CFAP20DC: variants seen among roughly 807,000 people sequenced by gnomAD.
The protein encoded by CFAP20DC is CFAP20 domain containing.
CFAP20DC carries 84 observed loss-of-function variants against 101.7 expected under a neutral mutation model. That is an observed-to-expected ratio of 0.83 (90% CI 0.69 to 0.99). CFAP20DC has a LOEUF of 0.99. Ranked by LOEUF, CFAP20DC falls within the 50% of genes least tolerant of loss-of-function variation. The pLI is 0.00. For synonymous variants in CFAP20DC, 359 were observed against 351.2 expected, an observed-to-expected ratio of 1.02 and a Z score of -0.25; for missense variants, 1,007 against 970.3, an observed-to-expected ratio of 1.04 and a Z score of -0.50.
At chr3:58,824,449 T>A (rs528425803) in intron 14 of CFAP20DC, 53 of 152,266 alleles carry the variant, frequency 3.5e-4, no homozygotes, top group African/African-American at 1.3e-3. Flanking sequence ...TCATATATAA[T>A]TAACTACCAC....
intron 4 of CFAP20DC, among the ~76,000 whole-genome samples, chr3:58,969,857 T>G (rs900161858): frequency 6.6e-6 from 1 of 152,110 alleles, no homozygotes; most frequent in African/African-American, 2.4e-5. Context: ...GAGAAAGGGC[T>G]AAGGGTAGCA....
At chr3:58,969,914 A>T (rs1227706702) in intron 4 of CFAP20DC, among the ~76,000 whole-genome samples, 1 of 152,192 alleles carries the variant, frequency 6.6e-6, no homozygotes, top group Non-Finnish European at 1.5e-5. Flanking sequence ...TTTCAGGGTG[A>T]TGAAAACATT....
At chr3:58,939,353 A>C (rs2088174961) in intron 4 of CFAP20DC, among the ~76,000 whole-genome samples, 1 of 152,208 alleles carries the variant, frequency 6.6e-6, no homozygotes, top group South Asian at 2.1e-4. Flanking sequence ...AGAAAGGAAA[A>C]GGGAACAAAA....
In CFAP20DC at chr3:58,816,449, C is replaced by T. The variant is rs1343311202; in HGVS notation, c.2176-9993G>A. ...GTGGGTGCGTGCACCGTGCGCGAGC[C>T]GAAGCAGGGCGAGGCATTGCCTCAC... On this transcript the variant is annotated intron_variant, in intron 14 of 16. Transcript: ENST00000482387. Among the ~76,000 whole-genome samples the T allele has an allele frequency of 1.1e-4, 17 of 152,192 alleles. 1 individual carries two copies. The highest frequency in any genetic ancestry group is 6.2e-4 in the South Asian group (3 of 4,806).
intron 7 of CFAP20DC, among the ~76,000 whole-genome samples, chr3:58,870,698 C>A (rs1016243706): frequency 1.2e-4 from 18 of 148,756 alleles, no homozygotes; most frequent in East Asian, 2.0e-4. Context: ...ACCATCCTGG[C>A]TAACAAGGTG....
chr3:58,897,615 T>C lies in CFAP20DC; in HGVS notation c.551-12906A>G, dbSNP rs1372002340. ...TCAGCATTTGCTTGTCTGAAAATTATCTTATTTCTTTTCACTTTTGAAGGT... is the reference window on the plus strand; with the variant it reads ...TCAGCATTTGCTTGTCTGAAAATTACCTTATTTCTTTTCACTTTTGAAGGT... On this transcript the variant is annotated intron_variant, in intron 6 of 16. Transcript: ENST00000482387. The surrounding 1 kb of genome is among the most constrained non-coding windows in gnomAD (Gnocchi z 4.4). Among the ~76,000 whole-genome samples the C allele has an allele frequency of 6.6e-6, 1 of 152,216 alleles. No homozygotes were observed. The highest frequency in any genetic ancestry group is 1.5e-5 in the Non-Finnish European group (1 of 68,048).
intron 1 of CFAP20DC, among the ~76,000 whole-genome samples, chr3:59,048,114 T>C (rs1700011750): frequency 1.3e-5 from 2 of 152,230 alleles, no homozygotes; most frequent in Non-Finnish European, 1.5e-5. Context: ...TGAATGTCCA[T>C]AAGCTTTAAT....
chr3:58,903,678 A>C (rs557512956), intron 6 of CFAP20DC, among the ~76,000 whole-genome samples: 1 of 152,254 alleles, frequency 6.6e-6, no homozygotes, highest in African/African-American at 2.4e-5. Context: ...ATCTCATGAG[A>C]GCTTACTATC....
At position 59,006,001 on chromosome 3, in the gene CFAP20DC, G is replaced by A. The variant is rs1211644209; in HGVS notation, c.278+33556C>T. Among the ~76,000 whole-genome samples the A allele has an allele frequency of 6.6e-6, 1 of 151,998 alleles. No individual in the cohort carries two copies. Among genetic ancestry groups the A allele is most frequent in the Non-Finnish European group, 1.5e-5 (1 of 68,008 alleles). On this transcript the variant is annotated intron_variant, in intron 4 of 16. Coordinates refer to ENST00000482387, the MANE Select transcript of CFAP20DC (RefSeq NM_001394063.1). This position sits in a 1 kb window ranked among gnomAD's most constrained non-coding sequence, Gnocchi z 4.3. ...ATAGTAATTTGGGCATATAGAGGAA[G>A]GGAAATAATTCACAAGATGGAATTA... is the stretch of plus-strand genomic sequence containing the variant.
Position 58,864,864 on chromosome 3 carries a change from T to C in CFAP20DC, c.1259-972A>G, listed in dbSNP as rs756055616. On this transcript the variant is annotated intron_variant, in intron 11 of 16. Transcript: ENST00000482387. The surrounding 1 kb of genome is among the most constrained non-coding windows in gnomAD (Gnocchi z 4.7). ...ACAATGTTTTGATATAAAAACCTTT[T>C]AGCACATTATTGTTTTCTTTAAAAT... 6.6e-6 allele frequency among the ~76,000 whole-genome samples: 1 copy of C among 152,236 alleles called. No individual in the cohort carries two copies. The highest frequency in any genetic ancestry group is 1.5e-5 in the Non-Finnish European group (1 of 68,030).
rs147642561 is a variant in CFAP20DC at position 59,045,616 on chromosome 3, C to T, written c.205+613G>A. Among the ~76,000 whole-genome samples the T allele has an allele frequency of 6.8e-3, 1,041 of 152,162 alleles. 15 individuals are homozygous for T. Among genetic ancestry groups the T allele is most frequent in the African/African-American group, 0.024 (977 of 41,560 alleles). ...TCAGGGTTTCTTCTGCTTTGAAATG[C>T]TGATCTTAATTTCTAAAGTAAACAA... On this transcript the variant is annotated intron_variant, in intron 3 of 16. Transcript: ENST00000482387.
chr3:58,762,488 T>C (rs1176336908), intron 15 of CFAP20DC, among the ~76,000 whole-genome samples: 2 of 152,134 alleles, frequency 1.3e-5, no homozygotes, highest in Non-Finnish European at 1.5e-5. Context: ...TGACTCTTTA[T>C]CCAATTTGCC....
chr3:58,846,595 T>A (rs1348885729), intron 13 of CFAP20DC, among the ~76,000 whole-genome samples: 1 of 150,800 alleles, frequency 6.6e-6, no homozygotes, highest in African/African-American at 2.4e-5. Context: ...CTGCCCAAGG[T>A]AATTTACAGA....
chr3:58,854,722 A>G (rs2078603003), intron 12 of CFAP20DC, among the ~76,000 whole-genome samples: 1 of 151,756 alleles, frequency 6.6e-6, no homozygotes, highest in Non-Finnish European at 1.5e-5. Flanking sequence ...CCTGAGAAAA[A>G]CAAGCAATGG....
At chr3:59,024,762 A>T (rs2093863171) in intron 4 of CFAP20DC, among the ~76,000 whole-genome samples, 1 of 152,188 alleles carries the variant, frequency 6.6e-6, no homozygotes, top group South Asian at 2.1e-4. Flanking sequence ...GATATACTTG[A>T]ATTGCTAACA....
Position 58,896,381 on chromosome 3 carries a change from C to T in CFAP20DC, c.551-11672G>A, listed in dbSNP as rs188013463. 6.1e-3 allele frequency among the ~76,000 whole-genome samples: 931 copies of T among 152,028 alleles called. 6 individuals are homozygous for T. Among genetic ancestry groups the T allele is most frequent in the Admixed American group, 9.0e-3 (137 of 15,250 alleles). The stretch of plus-strand genomic sequence containing the variant: ...TGAAAGGTATTTTGTGTCTCTATCT[C>T]CTTCATTTCAGCTCTGATCTTGGTT... On this transcript the variant is annotated intron_variant, in intron 6 of 16. Transcript: ENST00000482387.
rs540359393 is a variant in CFAP20DC, at chr3:58,960,349, G to A, written c.279-22587C>T. ...CTCTACTGAAAATACAAAATTAGCC[G>A]GGCGTGGTGGTGCATGCCTGTAATC... On this transcript the variant is annotated intron_variant, in intron 4 of 16. Transcript: ENST00000482387. 8.4e-4 allele frequency among the ~76,000 whole-genome samples: 127 copies of A among 151,950 alleles called. 2 individuals are homozygous for A. In the South Asian group the frequency reaches 0.02, roughly 24 times the overall value.
chr3:58,755,005 A>G (rs758183759), intron 15 of CFAP20DC, among the ~76,000 whole-genome samples: 37 of 152,320 alleles, frequency 2.4e-4, no homozygotes, highest in Non-Finnish European at 4.7e-4. Context: ...GGACTTACCT[A>G]CAATGATAAA....
intron 7 of CFAP20DC, among the ~76,000 whole-genome samples, chr3:58,873,265 G>T (rs1327281294): frequency 6.6e-6 from 1 of 150,410 alleles, no homozygotes; most frequent in Non-Finnish European, 1.5e-5. Flanking sequence ...ATGCTGTAAG[G>T]CAAGTGCTCA....
Sources: allele counts gnomAD v4.1 joint callset (sites outside exome capture counted in the v4.1 genomes callset), GRCh38; gene constraint gnomAD v4.1.1; non-coding constraint Gnocchi (gnomAD v3.1); transcripts MANE v1.5; gene names NCBI Gene and HGNC (gene_info 2026-07-23, HGNC 2026-07-21).